SNTG1: variants seen among roughly 807,000 people sequenced by gnomAD.
The protein encoded by SNTG1 is syntrophin gamma 1, also known as gamma-1-syntrophin.
In SNTG1, 39 loss-of-function variants were observed where a neutral mutation model predicts 74.7. The observed-to-expected ratio is 0.52, with a 90% confidence interval of 0.40 to 0.68. SNTG1 has a LOEUF of 0.68. Ranked by LOEUF, SNTG1 falls within the 30% of genes least tolerant of loss-of-function variation. The pLI, the probability that SNTG1 is intolerant of heterozygous loss-of-function variation, is 0.00. For synonymous variants in SNTG1, 254 were observed against 217.1 expected (o/e 1.17, Z -1.49); for missense variants, 685 against 609.5 (o/e 1.12, Z -1.30).
At chr8:50,571,288 C>T (rs530406500) in intron 12 of SNTG1, among the ~76,000 whole-genome samples, 2 of 152,278 alleles carry the variant, frequency 1.3e-5, no homozygotes, top group East Asian at 1.9e-4. Context: ...CCAAAGAGAC[C>T]GAAGCTAACT....
intron 18 of SNTG1, among the ~76,000 whole-genome samples, chr8:50,776,490 T>A (rs192620348): frequency 1.3e-4 from 19 of 147,700 alleles, no homozygotes; most frequent in African/African-American, 4.4e-4. Flanking sequence ...ATTGTTTATA[T>A]TTATAATATA....
At chr8:50,664,967 G>T (rs182515837) in intron 15 of SNTG1, among the ~76,000 whole-genome samples, 63 of 152,256 alleles carry the variant, frequency 4.1e-4, no homozygotes, top group African/African-American at 1.3e-3. Flanking sequence ...TTCAACAACT[G>T]CCTGTTTCAG....
chr8:50,784,509 T>C (rs949843017), intron 18 of SNTG1, among the ~76,000 whole-genome samples: 2 of 152,150 alleles, frequency 1.3e-5, no homozygotes, highest in Admixed American at 6.5e-5. Context: ...ATAAGCATAT[T>C]TGATGATAAC....
At chr8:50,339,005 T>G (rs1445479781) in intron 2 of SNTG1, among the ~76,000 whole-genome samples, 1 of 151,978 alleles carries the variant, frequency 6.6e-6, no homozygotes, top group Non-Finnish European at 1.5e-5. Flanking sequence ...TAAGAAATAT[T>G]TTATAGAAGC....
intron 18 of SNTG1, among the ~76,000 whole-genome samples, chr8:50,782,310 G>A (rs13270824): frequency 6.6e-6 from 1 of 152,064 alleles, no homozygotes; most frequent in Non-Finnish European, 1.5e-5. Flanking sequence ...TTTCCAACTT[G>A]GTTCCATTCT....
chr8:50,653,280 C>T (rs1386760639), intron 13 of SNTG1, among the ~76,000 whole-genome samples: 2 of 151,986 alleles, frequency 1.3e-5, no homozygotes, highest in Non-Finnish European at 2.9e-5. Context: ...TCCGTCTCTA[C>T]AAAAATTAGC....
At chr8:50,617,500 A>G (rs749095932) in intron 13 of SNTG1, among the ~76,000 whole-genome samples, 6 of 152,202 alleles carry the variant, frequency 3.9e-5, no homozygotes, top group Non-Finnish European at 8.8e-5. Flanking sequence ...GCCTGTGGAA[A>G]CAGAAATCTT....
chr8:50,024,802 A>C (rs1817122426), intron 1 of SNTG1, among the ~76,000 whole-genome samples: 1 of 152,176 alleles, frequency 6.6e-6, no homozygotes, highest in African/African-American at 2.4e-5. Flanking sequence ...GAAGAGTATG[A>C]AAAAGATGGC....
chr8:50,072,968 T>C (rs1821504951), intron 1 of SNTG1, among the ~76,000 whole-genome samples: 1 of 152,194 alleles, frequency 6.6e-6, no homozygotes, highest in Non-Finnish European at 1.5e-5. Context: ...TTTATACCAG[T>C]GGAGGGTCAG....
intron 1 of SNTG1, among the ~76,000 whole-genome samples, chr8:50,001,303 T>C (rs1814715068): frequency 6.6e-6 from 1 of 152,246 alleles, no homozygotes; most frequent in South Asian, 2.1e-4. Flanking sequence ...GGATCCTGTC[T>C]TCAGGTGTCG....
chr8:50,545,424 A>G lies in SNTG1; in HGVS notation c.681-7626A>G, dbSNP rs961856264. On this transcript the variant is annotated intron_variant, in intron 11 of 18. Transcript: ENST00000642720. ...AATCTCTTCAAGCTTTATTTTTCTTATATGCAAAATGAGCATATAAATATA... is the reference window on the plus strand; with the variant it reads ...AATCTCTTCAAGCTTTATTTTTCTTGTATGCAAAATGAGCATATAAATATA... Among the ~76,000 whole-genome samples, 4 of 150,234 alleles carry G rather than the reference A, an allele frequency of 2.7e-5. No homozygotes were observed. In the South Asian group the frequency reaches 8.3e-4, roughly 31 times the overall value.
chr8:50,513,319 T>G (rs1479370471), intron 9 of SNTG1, among the ~76,000 whole-genome samples: 1 of 152,170 alleles, frequency 6.6e-6, no homozygotes, highest in Non-Finnish European at 1.5e-5. Flanking sequence ...GGTGTCAGTC[T>G]GCCCCTACTG....
intron 12 of SNTG1, among the ~76,000 whole-genome samples, chr8:50,562,749 T>C (rs1022191746): frequency 4.6e-5 from 7 of 152,192 alleles, no homozygotes; most frequent in Admixed American, 2.0e-4. Flanking sequence ...CTTTAACTCA[T>C]GTCATATGTA....
chr8:50,599,157 G>A (rs977899123), intron 13 of SNTG1, among the ~76,000 whole-genome samples: 3 of 151,876 alleles, frequency 2.0e-5, no homozygotes, highest in African/African-American at 7.2e-5. Flanking sequence ...TACACTTGTT[G>A]GAAATGAATT....
intron 15 of SNTG1, among the ~76,000 whole-genome samples, chr8:50,694,610 A>G (rs2095396723): frequency 6.6e-6 from 1 of 152,070 alleles, no homozygotes. Flanking sequence ...CTGATACCAA[A>G]GGCAAAGACA....
intron 2 of SNTG1, among the ~76,000 whole-genome samples, chr8:50,262,584 T>C (rs972331959): frequency 6.6e-6 from 1 of 152,078 alleles, no homozygotes; most frequent in Non-Finnish European, 1.5e-5. Context: ...AATTTTTTTA[T>C]ATTTTTAGTA....
chr8:50,149,620 T>A (rs1293889679), intron 1 of SNTG1, among the ~76,000 whole-genome samples: 2 of 152,172 alleles, frequency 1.3e-5, no homozygotes, highest in Non-Finnish European at 2.9e-5. Context: ...GGCTAGCCAG[T>A]TTTCCCAGCA....
intron 16 of SNTG1, among the ~76,000 whole-genome samples, chr8:50,706,474 C>T (rs2095443750): frequency 2.0e-5 from 3 of 152,020 alleles, no homozygotes; most frequent in Admixed American, 2.0e-4. Context: ...GTAATTTTAA[C>T]ATTTTGGTTC....
At position 50,113,411 on chromosome 8, in the gene SNTG1, T is replaced by C. The variant is rs2080682087; in HGVS notation, c.-102-59150T>C. Among the ~76,000 whole-genome samples, 3 of 152,208 alleles carry C rather than the reference T, an allele frequency of 2.0e-5. No individual in the cohort carries two copies. In the South Asian group the frequency reaches 6.2e-4, roughly 32 times the overall value. ...TCTTTTATTGGTTTATAAGAATGCT[T>C]GTGATTTTTGCACATTGATTTTGTA... On this transcript the variant is annotated intron_variant, in intron 1 of 18. Transcript: ENST00000642720.
Sources: gnomAD v4.1 joint callset for allele counts (sites outside exome capture counted in the v4.1 genomes callset) on GRCh38, gnomAD v4.1.1 for gene constraint, MANE v1.5 for transcripts, NCBI Gene and HGNC (gene_info 2026-07-23, HGNC 2026-07-21) for gene names.